The following ARAP1 variants were observed in gnomAD, a reference collection of about 807,000 sequenced individuals.
ARAP1 encodes the protein arf-GAP with Rho-GAP domain, ANK repeat and PH domain-containing protein 1.
A neutral mutation model predicts 172.2 loss-of-function variants in ARAP1; 76 were observed. The observed-to-expected ratio is 0.44, with a 90% CI of 0.37 to 0.53. ARAP1 has a LOEUF of 0.53. Ranked by LOEUF, ARAP1 falls within the 20% of genes least tolerant of loss-of-function variation. The pLI, the probability that ARAP1 is intolerant of heterozygous loss-of-function variation, is 0.00. For synonymous variants in ARAP1, 804 were observed against 803.3 expected, an observed-to-expected ratio of 1.00 and a Z score of -0.01; for missense variants, 1,686 against 1,977.5, an observed-to-expected ratio of 0.85 and a Z score of 2.80.
At chr11:72,738,871 C>A (rs1257529681) in intron 1 of ARAP1, among the ~76,000 whole-genome samples, 1 of 152,206 alleles carries the variant, frequency 6.6e-6, no homozygotes, top group Non-Finnish European at 1.5e-5. Context: ...CAGCTCCTAC[C>A]AGCAATTCAA....
intron 5 of ARAP1, 169 bp downstream of exon 5, chr11:72,713,007 G>A: frequency 1.4e-6 from 1 of 712,124 alleles, no homozygotes; most frequent in Non-Finnish European, 2.4e-6. Flanking sequence ...AGAGCGCTGT[G>A]GCTACACGTG....
intron 3 of ARAP1, among the ~76,000 whole-genome samples, chr11:72,715,460 T>C (rs1167656745): frequency 6.6e-6 from 1 of 152,136 alleles, no homozygotes; most frequent in Non-Finnish European, 1.5e-5. Flanking sequence ...AGTGACAGGG[T>C]CTGCCTGGGG....
intron 31 of ARAP1, among the ~76,000 whole-genome samples, chr11:72,688,139 A>C (rs1035083466): frequency 2.6e-5 from 4 of 151,866 alleles, no homozygotes; most frequent in Non-Finnish European, 4.4e-5. Context: ...GCGCGCCACC[A>C]AACCCAGTTA....
intron 3 of ARAP1, among the ~76,000 whole-genome samples, chr11:72,719,602 G>A (rs1426787099): frequency 6.6e-6 from 1 of 152,206 alleles, no homozygotes; most frequent in Non-Finnish European, 1.5e-5. Context: ...GCTGAGCCAG[G>A]AACCAGCTTC....
At chr11:72,703,414 G>GTA (rs1555013463) in intron 14 of ARAP1, 1 of 163,738 alleles carries the variant, frequency 6.1e-6, no homozygotes, top group African/African-American at 2.6e-5. Context: ...GAGCCGGGGG[G>GTA]GGGGTGTGCT....
intron 3 of ARAP1, 81 bp from the exon 4 acceptor site, chr11:72,714,402 T>C: frequency 1.4e-6 from 2 of 1,409,798 alleles, no homozygotes; most frequent in South Asian, 1.3e-5. Context: ...TCACCTGAAC[T>C]GCAGCAAAAC....
In ARAP1 at chr11:72,710,078, G is replaced by A. The variant is rs912559176; in HGVS notation, c.1417-102C>T. 7.5e-5 allele frequency: 82 copies of A among 1,097,298 alleles called. No homozygotes were observed. Among genetic ancestry groups the A allele is most frequent in the Non-Finnish European group, 1.1e-4 (78 of 722,740 alleles). The allele number at this position is 1,097,298 out of a possible 1,614,324, so 68.0% of individuals were successfully genotyped here. On this transcript the variant is annotated intron_variant, in intron 10 of 34. Transcript: ENST00000393609. The surrounding 1 kb of genome is among the most constrained non-coding windows in gnomAD (Gnocchi z 4.3). ...AAGGTGGTGCAACTCAGGGACTGGG[G>A]GGGGTGCCCAGGAGGGAGACAGCAG...
At chr11:72,737,156 C>T (rs145885063) in intron 1 of ARAP1, among the ~76,000 whole-genome samples, 1 of 152,298 alleles carries the variant, frequency 6.6e-6, no homozygotes, top group African/African-American at 2.4e-5. Context: ...TCCACCTCCA[C>T]CCAATCCCCC....
At chr11:72,705,982 T>G in intron 12 of ARAP1, 92 bp from the exon 13 acceptor site, 1 of 1,338,642 alleles carries the variant, frequency 7.5e-7, no homozygotes, top group East Asian at 2.4e-5. Flanking sequence ...CAGGCAGGGA[T>G]GAGAGGCCAC....
chr11:72,693,943 T>G lies in ARAP1; in HGVS notation c.3695-138A>C. 1 of 661,952 alleles carries G rather than the reference T, an allele frequency of 1.5e-6. No homozygotes were observed. The highest frequency in any genetic ancestry group is 2.5e-6 in the Non-Finnish European group (1 of 393,020). 41.0% of individuals were successfully genotyped at this position (661,952 alleles called of 1,614,324 possible). On this transcript the variant is annotated intron_variant, in intron 27 of 34. Transcript: ENST00000393609. This position sits in a 1 kb window ranked among gnomAD's most constrained non-coding sequence, Gnocchi z 4.6. ...AGTGCCACGACACAAAACACCACCA[T>G]CATGACCACCCTTCCCATGACCAAG...
intron 5 of ARAP1, 102 bp from the exon 6 acceptor site, chr11:72,712,670 C>G: frequency 6.4e-7 from 1 of 1,570,996 alleles, no homozygotes; most frequent in South Asian, 1.1e-5. Context: ...CCGACCCACA[C>G]AGCCCAGCAC....
At chr11:72,745,585 C>G (rs891411637) in intron 1 of ARAP1, among the ~76,000 whole-genome samples, 1 of 152,026 alleles carries the variant, frequency 6.6e-6, no homozygotes, top group Non-Finnish European at 1.5e-5. Context: ...CCCTCCTACC[C>G]CAACCCATGA....
Position 72,726,602 on chromosome 11 carries a change from T to C in ARAP1, c.509+18A>G. The stretch of plus-strand genomic sequence containing the variant: ...TCCTCTGCCTGTGCGCCTCCCACCC[T>C]GGGTGGCATCCACTCACCTCACCAG... On this transcript the variant is annotated intron_variant, in intron 3 of 34. Coordinates refer to ENST00000393609, the MANE Select transcript of ARAP1 (RefSeq NM_001040118.3). This position sits in a 1 kb window ranked among gnomAD's most constrained non-coding sequence, Gnocchi z 6.5. The C allele has an allele frequency of 1.3e-6, 2 of 1,481,916 alleles. No homozygotes were observed. Among genetic ancestry groups the C allele is most frequent in the Non-Finnish European group, 1.8e-6 (2 of 1,115,056 alleles). The allele number at this position is 1,481,916 out of a possible 1,614,324, so 91.8% of individuals were successfully genotyped here.
At chr11:72,713,071 G>A (rs549014397) in intron 5 of ARAP1, 105 bp downstream of exon 5, 31 of 1,232,578 alleles carry the variant, frequency 2.5e-5, no homozygotes, top group East Asian at 9.4e-5. Context: ...GAAGCCTCCC[G>A]GGAAATGGCT....
At position 72,710,659 on chromosome 11, in the gene ARAP1, C is replaced by T; in HGVS notation, c.1214-72G>A. The T allele has an allele frequency of 1.4e-6, 2 of 1,431,922 alleles. No homozygotes were observed. The highest frequency in any genetic ancestry group is 2.6e-5 in the South Asian group (2 of 75,806). 88.7% of individuals were successfully genotyped at this position (1,431,922 alleles called of 1,614,324 possible). ...CTCAGGGGTCTCCTGGCCCTAGGCTCCTCATGCAACACCTCCTCCAGAAAG... is the reference window on the plus strand; with the variant it reads ...CTCAGGGGTCTCCTGGCCCTAGGCTTCTCATGCAACACCTCCTCCAGAAAG... On this transcript the variant is annotated intron_variant, in intron 9 of 34. Transcript: ENST00000393609. This position sits in a 1 kb window ranked among gnomAD's most constrained non-coding sequence, Gnocchi z 4.3.
intron 31 of ARAP1, 143 bp downstream of exon 31, chr11:72,688,312 G>A (rs895954887): frequency 5.9e-6 from 4 of 678,728 alleles, no homozygotes; most frequent in African/African-American, 1.8e-5. Flanking sequence ...GTGTGTCCAG[G>A]TGATGCTGCT....
intron 1 of ARAP1, among the ~76,000 whole-genome samples, chr11:72,747,582 C>T (rs1191205047): frequency 1.3e-5 from 2 of 152,210 alleles, no homozygotes; most frequent in African/African-American, 4.8e-5. Flanking sequence ...GGCCTCAGAG[C>T]GCCCTGCCGG....
At chr11:72,746,673 C>A (rs1172416400) in intron 1 of ARAP1, among the ~76,000 whole-genome samples, 1 of 151,582 alleles carries the variant, frequency 6.6e-6, no homozygotes, top group Non-Finnish European at 1.5e-5. Flanking sequence ...TCCCCCCAAC[C>A]CCCTCCCCCT....
Position 72,693,284 on chromosome 11 carries a change from C to T in ARAP1, c.3954+41G>A. The stretch of plus-strand genomic sequence containing the variant: ...GAATCTCTGAGCACATTCAGGTGTA[C>T]AGGTGCCCACCCTGGGGCAGAACCC... On this transcript the variant is annotated intron_variant, in intron 29 of 34. Coordinates refer to ENST00000393609, the MANE Select transcript of ARAP1 (RefSeq NM_001040118.3). This position sits in a 1 kb window ranked among gnomAD's most constrained non-coding sequence, Gnocchi z 4.6. 1.9e-6 allele frequency: 3 copies of T among 1,604,472 alleles called. No individual in the cohort carries two copies. Among genetic ancestry groups the T allele is most frequent in the South Asian group, 1.1e-5 (1 of 90,096 alleles).
Sources: gnomAD v4.1 joint callset for allele counts (sites outside exome capture counted in the v4.1 genomes callset) on GRCh38, gnomAD v4.1.1 for gene constraint, Gnocchi (gnomAD v3.1) non-coding constraint, MANE v1.5 for transcripts, NCBI Gene and HGNC (gene_info 2026-07-23, HGNC 2026-07-21) for gene names.